INO80: variants seen among roughly 807,000 people sequenced by gnomAD.
INO80 encodes chromatin-remodeling ATPase INO80.
Under a neutral mutation model 203.4 loss-of-function variants are expected in INO80, and 20 were observed. The ratio of observed to expected loss-of-function variants is 0.10; its 90% confidence interval spans 0.07 to 0.14. The LOEUF (loss-of-function observed/expected upper bound fraction) is 0.14, where lower values mean the gene tolerates loss of function less well. Among genes scored for constraint, INO80 ranks in the 10% least tolerant of loss-of-function variants. The pLI is 1.00. For missense variants in INO80, 1,419 were observed against 1,914.4 expected (o/e 0.74, Z 4.83); for synonymous variants, 726 against 685.2 (o/e 1.06, Z -0.93).
chr15:41,075,645 G>A (rs1258216758), intron 9 of INO80, among the ~76,000 whole-genome samples: 1 of 152,072 alleles, frequency 6.6e-6, no homozygotes, highest in Non-Finnish European at 1.5e-5. Flanking sequence ...TAGTAGAGAC[G>A]CGGTTTCACT....
At chr15:41,070,680 T>C in intron 12 of INO80, 133 bp from the exon 13 acceptor site, 1 of 703,260 alleles carries the variant, frequency 1.4e-6, no homozygotes, top group Non-Finnish European at 2.5e-6. Context: ...CCTCAGCACT[T>C]TTACCCACTG....
intron 4 of INO80, among the ~76,000 whole-genome samples, chr15:41,093,572 G>A (rs2045676833): frequency 6.6e-6 from 1 of 152,040 alleles, no homozygotes. Flanking sequence ...ACCTGTAAAA[G>A]GGTGAATTTG....
At chr15:41,071,763 A>G in intron 12 of INO80, 86 bp downstream of exon 12, 10 of 1,270,422 alleles carry the variant, frequency 7.9e-6, no homozygotes, top group Non-Finnish European at 6.8e-6. Context: ...GCTCAGCCAG[A>G]TCTTGTACTC....
rs748193730 is a variant in INO80, at chr15:40,980,378, C to T, written c.4516G>A (p.Gly1506Arg). ...LVRPAGLADF[G>R]PSSASSPLSS... ...AAAGGAGAAGAGGCGCTTGAAGGTC[C>T]AAAGTCAGCAAGGCCAGCAGGCCGA... Residue 1506 changes from glycine (G) to arginine (R), a missense_variant, in exon 36 of 36, where the codon GGA becomes AGA. By Grantham distance (125) the Gly-to-Arg change is moderately radical. Coordinates refer to ENST00000648947, the MANE Select transcript of INO80 (RefSeq NM_017553.3). The T allele has an allele frequency of 2.5e-6, 4 of 1,613,848 alleles. No homozygotes were observed. The highest frequency in any genetic ancestry group is 3.3e-5 in the Admixed American group (2 of 60,002).
Position 41,072,063 on chromosome 15 carries a change from A to G in INO80, c.1396-5T>C, listed in dbSNP as rs761763650. 3.9e-6 allele frequency: 6 copies of G among 1,527,950 alleles called. No homozygotes were observed. The highest frequency in any genetic ancestry group is 5.3e-6 in the Non-Finnish European group (6 of 1,138,636). The allele number at this position is 1,527,950 out of a possible 1,614,324, so 94.6% of individuals were successfully genotyped here. ...ATCTTCATCAAATGACCTTGTCTGG[A>G]AAGTAAAAAAAAAAAAAATTAGAAA... On this transcript the variant is annotated splice_region_variant and splice_polypyrimidine_tract_variant and intron_variant, in intron 11 of 35. Transcript: ENST00000648947.
intron 24 of INO80, among the ~76,000 whole-genome samples, chr15:41,032,073 GACAGCACAGC>G (rs1243732624): frequency 0.014 from 721 of 52,408 alleles, 49 homozygotes; most frequent in African/African-American, 0.04. Context: ...GACAGCACAG[GACAGCACAGC>G]ACAGCACAGC....
intron 1 of INO80, among the ~76,000 whole-genome samples, chr15:41,115,762 G>A (rs898893444): frequency 2.0e-5 from 3 of 152,182 alleles, no homozygotes; most frequent in South Asian, 2.1e-4. Context: ...GGTCTCCAGA[G>A]ATATGAAACG....
chr15:41,053,904 AAC>A (rs780057337), intron 19 of INO80, 23 bp downstream of exon 19: 2 of 1,581,374 alleles, frequency 1.3e-6, no homozygotes, highest in Admixed American at 3.3e-5. Context: ...TTGAGGCTTA[AAC>A]ACATGAGGTC....
rs1003443272 is a variant in INO80, at chr15:41,055,433, TAGAG to T, written c.2071-73_2071-70del. 3.0e-6 allele frequency: 3 copies of T among 996,414 alleles called. No individual in the cohort carries two copies. In the African/African-American group the frequency reaches 4.8e-5, roughly 16 times the overall value. The allele number at this position is 996,414 out of a possible 1,614,324, so 61.7% of individuals were successfully genotyped here. A position where few individuals can be genotyped will look rare whatever the true frequency, so the allele number is the denominator to read the frequency against. ...TGACAGCGTGTAAGGATGTATTAGA[TAGAG>T]AAAATTGCAGGTGTATTAGTGTGTA... On this transcript the variant is annotated intron_variant, in intron 17 of 35. Coordinates refer to ENST00000648947, the MANE Select transcript of INO80 (RefSeq NM_017553.3).
intron 14 of INO80, 92 bp from the exon 15 acceptor site, chr15:41,060,018 C>A: frequency 1.1e-6 from 1 of 880,854 alleles, no homozygotes; most frequent in East Asian, 2.8e-5. Context: ...TAAAAAGAAA[C>A]TAATAAAATG....
intron 24 of INO80, among the ~76,000 whole-genome samples, chr15:41,038,011 C>CTTTTTTT (rs748525965): frequency 9.7e-4 from 87 of 89,774 alleles, no homozygotes; most frequent in Non-Finnish European, 1.2e-3. Context: ...CTTCCCTTTT[C>CTTTTTTT]TTTTTTTTTT....
At position 40,984,496 on chromosome 15, in the gene INO80, C is replaced by T. The variant is rs747008668; in HGVS notation, c.3922-144G>A. On this transcript the variant is annotated intron_variant, in intron 32 of 35. Transcript: ENST00000648947. ...GCATATTTTTACGGAAGAAAAACTG[C>T]ATAAGGAAGAAGGGATAGCTTAACA... 6.3e-5 allele frequency: 46 copies of T among 731,760 alleles called. No individual in the cohort carries two copies. In the Middle Eastern group the frequency reaches 7.7e-4, roughly 12 times the overall value. The allele number at this position is 731,760 out of a possible 1,614,324, so 45.3% of individuals were successfully genotyped here.
At chr15:41,104,836 G>A (rs897618262) in intron 1 of INO80, among the ~76,000 whole-genome samples, 1 of 151,978 alleles carries the variant, frequency 6.6e-6, no homozygotes, top group East Asian at 1.9e-4. Context: ...CACCACACCC[G>A]GCCAACTTAT....
rs1181657409 is a variant in INO80, at chr15:41,046,198, T to TATAC, written c.2736-1127_2736-1124dup. 2.2e-3 allele frequency among the ~76,000 whole-genome samples: 161 copies of TATAC among 72,440 alleles called. 5 individuals carry two copies. The highest frequency in any genetic ancestry group is 0.015 in the African/African-American group (149 of 9,714). The allele number at this position is 72,440 out of a possible 152,430, so 47.5% of individuals were successfully genotyped here. ...GTGTCTGTGTGTGTCTCTGTGTGCGTATACATACATATATATATATATATA... is the reference window on the plus strand; with the variant it reads ...GTGTCTGTGTGTGTCTCTGTGTGCGTATACATACATACATATATATATATATATA... On this transcript the variant is annotated intron_variant, in intron 23 of 35. Transcript: ENST00000648947.
intron 1 of INO80, among the ~76,000 whole-genome samples, chr15:41,107,977 G>A (rs768300506): frequency 1.3e-5 from 2 of 152,036 alleles, no homozygotes; most frequent in Admixed American, 6.6e-5. Context: ...GTGCATGCCT[G>A]TAATCCCAGC....
At chr15:41,114,598 AC>A (rs760092538) in intron 1 of INO80, among the ~76,000 whole-genome samples, 25 of 152,002 alleles carry the variant, frequency 1.6e-4, no homozygotes, top group Non-Finnish European at 3.4e-4. Flanking sequence ...AATCCCAGCT[AC>A]TGGGGAGGCT....
intron 14 of INO80, among the ~76,000 whole-genome samples, chr15:41,060,744 G>C (rs2045089830): frequency 6.6e-6 from 1 of 152,198 alleles, no homozygotes; most frequent in African/African-American, 2.4e-5. Flanking sequence ...CCCGCCTCAA[G>C]ACATCTGAAT....
intron 1 of INO80, among the ~76,000 whole-genome samples, chr15:41,114,727 G>T (rs62001366): frequency 5.3e-5 from 8 of 150,744 alleles, no homozygotes; most frequent in Non-Finnish European, 1.0e-4. Flanking sequence ...AAAAAAAAAG[G>T]AATTAAGTAC....
At chr15:41,058,803 G>A (rs1245669569) in intron 15 of INO80, 22 bp from the exon 16 acceptor site, 1 of 1,598,498 alleles carries the variant, frequency 6.3e-7, no homozygotes, top group Non-Finnish European at 8.5e-7. Context: ...AAAGGGGAAG[G>A]GTGAAAAGAG....
Sources: allele counts gnomAD v4.1 joint callset (sites outside exome capture counted in the v4.1 genomes callset), GRCh38; gene constraint gnomAD v4.1.1; transcripts MANE v1.5; gene names NCBI Gene and HGNC (gene_info 2026-07-23, HGNC 2026-07-21).